Variants in PLCXD3 observed in about 807,000 individuals in gnomAD.
The protein encoded by PLCXD3 is phosphatidylinositol specific phospholipase C X domain containing 3, also known as PI-PLC X domain-containing protein 3.
A neutral mutation model predicts 25.5 loss-of-function variants in PLCXD3; 19 were observed. That is an observed-to-expected ratio of 0.75 (90% CI 0.52 to 1.09). PLCXD3 has a LOEUF of 1.09. Ranked by LOEUF, PLCXD3 falls within the 50% of genes least tolerant of loss-of-function variation. PLCXD3 has a pLI of 0.00. For missense variants in PLCXD3, 411 were observed against 388.1 expected (o/e 1.06, Z -0.50); for synonymous variants, 174 against 137.6 (o/e 1.26, Z -1.85).
At chr5:41,389,350 A>T (rs1580343871) in intron 1 of PLCXD3, among the ~76,000 whole-genome samples, 1 of 152,276 alleles carries the variant, frequency 6.6e-6, no homozygotes, top group Non-Finnish European at 1.5e-5. Flanking sequence ...GGGAAGTAAG[A>T]TTTAGCAGTG....
rs989641586 is a variant in PLCXD3 at position 41,489,706 on chromosome 5, G to A, written c.103+20718C>T. 6.0e-4 allele frequency among the ~76,000 whole-genome samples: 91 copies of A among 152,148 alleles called. 2 individuals carry two copies. Among genetic ancestry groups the A allele is most frequent in the South Asian group, 1.7e-3 (8 of 4,818 alleles). On this transcript the variant is annotated intron_variant, in intron 1 of 2. Transcript: ENST00000377801. ...TCTTTGAAGCAATTGTGTGTGAATG[G>A]GAGTTCACTCATGATTTGGCTCTCT...
At chr5:41,424,850 A>G (rs533235029) in intron 1 of PLCXD3, among the ~76,000 whole-genome samples, 26 of 152,302 alleles carry the variant, frequency 1.7e-4, no homozygotes, top group Admixed American at 1.3e-3. Context: ...TTGGGGAAGC[A>G]GGATTTTGTA....
At chr5:41,492,187 C>T (rs1251209313) in intron 1 of PLCXD3, among the ~76,000 whole-genome samples, 56 of 152,246 alleles carry the variant, frequency 3.7e-4, no homozygotes, top group African/African-American at 1.3e-3. Flanking sequence ...TTCTCCTTCA[C>T]TTATGAAGCT....
intron 2 of PLCXD3, among the ~76,000 whole-genome samples, chr5:41,343,048 A>G (rs1744197596): frequency 6.6e-6 from 1 of 152,132 alleles, no homozygotes; most frequent in South Asian, 2.1e-4. Flanking sequence ...CATTAGAAAA[A>G]TGTAAAAGTT....
intron 2 of PLCXD3, among the ~76,000 whole-genome samples, chr5:41,381,261 G>T (rs1259198803): frequency 1.3e-5 from 2 of 152,122 alleles, no homozygotes; most frequent in African/African-American, 4.8e-5. Flanking sequence ...GCTATGAAAA[G>T]ACAACTAGAC....
chr5:41,319,199 A>G (rs1743388331), intron 2 of PLCXD3, among the ~76,000 whole-genome samples: 1 of 152,168 alleles, frequency 6.6e-6, no homozygotes, highest in Non-Finnish European at 1.5e-5. Flanking sequence ...TCAGTACTGA[A>G]CAGATCTTCC....
chr5:41,443,300 A>T (rs1481343118), intron 1 of PLCXD3, among the ~76,000 whole-genome samples: 1 of 151,918 alleles, frequency 6.6e-6, no homozygotes, highest in Non-Finnish European at 1.5e-5. Context: ...TACTTGAAGC[A>T]CTCAGTACAG....
intron 2 of PLCXD3, among the ~76,000 whole-genome samples, chr5:41,331,687 A>T (rs1346896317): frequency 6.6e-6 from 1 of 152,178 alleles, no homozygotes; most frequent in Admixed American, 6.5e-5. Flanking sequence ...ACCTGACTTC[A>T]AACTATACTA....
intron 1 of PLCXD3, among the ~76,000 whole-genome samples, chr5:41,403,136 G>A (rs968940761): frequency 2.0e-5 from 3 of 151,542 alleles, no homozygotes; most frequent in African/African-American, 4.8e-5. Flanking sequence ...GCCAACCTTC[G>A]GCCTAGTAGC....
intron 2 of PLCXD3, among the ~76,000 whole-genome samples, chr5:41,357,027 A>G (rs1580321591): frequency 6.6e-6 from 1 of 152,262 alleles, no homozygotes; most frequent in East Asian, 1.9e-4. Flanking sequence ...CAGTTTTATG[A>G]TAACAACCAT....
intron 2 of PLCXD3, among the ~76,000 whole-genome samples, chr5:41,360,856 C>T (rs538485435): frequency 3.2e-4 from 49 of 152,228 alleles, no homozygotes; most frequent in African/African-American, 1.0e-3. Context: ...GGAGGTAGGG[C>T]TTTCATGAGC....
chr5:41,348,613 T>G (rs1363915738), intron 2 of PLCXD3, among the ~76,000 whole-genome samples: 2 of 152,212 alleles, frequency 1.3e-5, no homozygotes, highest in South Asian at 2.1e-4. Flanking sequence ...GATGACCACT[T>G]ACAAATACAG....
chr5:41,492,907 T>A (rs1467728467), intron 1 of PLCXD3, among the ~76,000 whole-genome samples: 2 of 152,246 alleles, frequency 1.3e-5, no homozygotes, highest in Non-Finnish European at 2.9e-5. Context: ...AGTTTGATCA[T>A]CTGAAGCCTT....
intron 1 of PLCXD3, among the ~76,000 whole-genome samples, chr5:41,489,069 C>T (rs926596866): frequency 3.3e-5 from 5 of 152,276 alleles, no homozygotes; most frequent in African/African-American, 7.2e-5. Flanking sequence ...TTAGGTCTAA[C>T]GTTTAAGTCT....
chr5:41,363,005 A>G (rs550936068), intron 2 of PLCXD3, among the ~76,000 whole-genome samples: 2 of 152,306 alleles, frequency 1.3e-5, no homozygotes, highest in Admixed American at 6.5e-5. Context: ...ATTATAGTAC[A>G]TATGTCCATA....
intron 1 of PLCXD3, among the ~76,000 whole-genome samples, chr5:41,419,524 T>C (rs1746770276): frequency 6.6e-6 from 1 of 152,176 alleles, no homozygotes; most frequent in African/African-American, 2.4e-5. Flanking sequence ...CAGTAGATAG[T>C]ATTTCTGCTC....
At chr5:41,457,367 G>A (rs1043903328) in intron 1 of PLCXD3, among the ~76,000 whole-genome samples, 1 of 151,842 alleles carries the variant, frequency 6.6e-6, no homozygotes, top group Non-Finnish European at 1.5e-5. Context: ...AGTGACTGTG[G>A]TAGATATAGT....
intron 2 of PLCXD3, among the ~76,000 whole-genome samples, chr5:41,369,787 G>A (rs1355475777): frequency 6.6e-6 from 1 of 152,112 alleles, no homozygotes; most frequent in Non-Finnish European, 1.5e-5. Context: ...CCAACTAATA[G>A]CTTTTGATAG....
At chr5:41,470,791 A>G (rs907809653) in intron 1 of PLCXD3, among the ~76,000 whole-genome samples, 1 of 152,186 alleles carries the variant, frequency 6.6e-6, no homozygotes, top group Non-Finnish European at 1.5e-5. Flanking sequence ...AGAAAAAGAA[A>G]AAAATACCTT....
Sources: gnomAD v4.1 joint callset for allele counts (sites outside exome capture counted in the v4.1 genomes callset) on GRCh38, gnomAD v4.1.1 for gene constraint, MANE v1.5 for transcripts, NCBI Gene and HGNC (gene_info 2026-07-23, HGNC 2026-07-21) for gene names.